TUT7: variants seen among roughly 807,000 people sequenced by gnomAD.
TUT7 encodes terminal uridylyl transferase 7.
Under a neutral mutation model 165.9 loss-of-function variants are expected in TUT7, and 33 were observed. The observed-to-expected ratio is 0.20, with a 90% CI of 0.15 to 0.27. The LOEUF (loss-of-function observed/expected upper bound fraction) is 0.27, where lower values mean the gene tolerates loss of function less well. TUT7 is among the 10% of genes least tolerant of loss of function. The pLI is 1.00. For synonymous variants in TUT7, 552 were observed against 608.1 expected (o/e 0.91, Z 1.36); for missense variants, 1,338 against 1,762.3 (o/e 0.76, Z 4.31).
At chr9:86,303,831 G>C (rs1827188076) in intron 24 of TUT7, among the ~76,000 whole-genome samples, 1 of 152,130 alleles carries the variant, frequency 6.6e-6, no homozygotes, top group South Asian at 2.1e-4. Flanking sequence ...AAATCCTCAG[G>C]TGATTTGTTC....
In TUT7 at chr9:86,328,481, G is replaced by A; in HGVS notation, c.1467C>T (p.Phe489=). Residue 489 remains phenylalanine, a synonymous_variant, in exon 11 of 27, where the codon TTC becomes TTT. Transcript: ENST00000375963. The stretch of plus-strand genomic sequence containing the variant: ...TGAAATTCCCTAGTTTGCTTAATGA[G>A]AATCCTTCAATCTAGGAAAAATTAG... ...PVYLGSWIEG[F]SLSKLGNFNL... The A allele has an allele frequency of 6.2e-7, 1 of 1,603,518 alleles. No individual in the cohort carries two copies. The highest frequency in any genetic ancestry group is 1.1e-5 in the South Asian group (1 of 88,806).
chr9:86,316,116 C>T (rs1828698951), intron 17 of TUT7, among the ~76,000 whole-genome samples: 1 of 152,134 alleles, frequency 6.6e-6, no homozygotes, highest in South Asian at 2.1e-4. Flanking sequence ...ATTTTCAGCT[C>T]TTAGCACAGA....
chr9:86,341,027 A>G lies in TUT7; in HGVS notation c.1113T>C (p.Leu371=). ...AIMSQPDVLL[L]VQECLKNSDS... ...CACTGTTCTTTAAACATTCTTGAAC[A>G]AGTAAGAGGACATCTGGCTGAGACA... Residue 371 remains leucine, a synonymous_variant, in exon 7 of 27, where the codon CTT becomes CTC. Transcript: ENST00000375963. 1 of 1,612,040 alleles carries G rather than the reference A, an allele frequency of 6.2e-7. No individual in the cohort carries two copies. The highest frequency in any genetic ancestry group is 8.5e-7 in the Non-Finnish European group (1 of 1,179,006).
chr9:86,321,702 C>T (rs1241250155), intron 14 of TUT7, among the ~76,000 whole-genome samples: 1 of 152,116 alleles, frequency 6.6e-6, no homozygotes, highest in East Asian at 1.9e-4. Flanking sequence ...GCATTCCAGC[C>T]TGGGGGACCG....
intron 10 of TUT7, among the ~76,000 whole-genome samples, chr9:86,332,275 C>T (rs1211266255): frequency 6.6e-6 from 1 of 152,026 alleles, no homozygotes; most frequent in East Asian, 1.9e-4. Flanking sequence ...ATAGCAAAGA[C>T]GTGGAATCAA....
chr9:86,324,916 T>C (rs1262958348), intron 12 of TUT7, among the ~76,000 whole-genome samples: 2 of 152,210 alleles, frequency 1.3e-5, no homozygotes, highest in Non-Finnish European at 2.9e-5. Context: ...GAGAATGACA[T>C]TTTTGACGAG....
intron 4 of TUT7, 94 bp downstream of exon 4, chr9:86,345,575 C>A: frequency 1.2e-6 from 1 of 860,852 alleles, no homozygotes; most frequent in South Asian, 1.7e-5. Context: ...GTAAAGTTAT[C>A]AATATCATAG....
In TUT7 at chr9:86,293,598, T is replaced by C. The variant is rs533141150; in HGVS notation, c.4421-4854A>G. Among the ~76,000 whole-genome samples, 13 of 152,334 alleles carry C rather than the reference T, an allele frequency of 8.5e-5. No homozygotes were observed. The East Asian group carries it at 2.5e-3, about 29-fold the overall frequency. On this transcript the variant is annotated intron_variant, in intron 26 of 26. Transcript: ENST00000375963. ...GTATGGGAAACAATGTCACTGACTCTCCGGGATTGTCAACAATCACAATTT... is the reference window on the plus strand; with the variant it reads ...GTATGGGAAACAATGTCACTGACTCCCCGGGATTGTCAACAATCACAATTT...
chr9:86,319,242 AT>A (rs1316845124), intron 15 of TUT7, among the ~76,000 whole-genome samples, 184 bp from the exon 16 acceptor site: 1 of 152,224 alleles, frequency 6.6e-6, no homozygotes, highest in Non-Finnish European at 1.5e-5. Flanking sequence ...CTTCCTTTAC[AT>A]ACAAGCTGTA....
At chr9:86,303,584 T>A (rs1283468248) in intron 24 of TUT7, among the ~76,000 whole-genome samples, 1 of 152,174 alleles carries the variant, frequency 6.6e-6, no homozygotes, top group Admixed American at 6.5e-5. Flanking sequence ...GAAACATGAT[T>A]TGCATCATAC....
At chr9:86,319,172 T>A (rs1829000431) in intron 15 of TUT7, 114 bp from the exon 16 acceptor site, 1 of 660,696 alleles carries the variant, frequency 1.5e-6, no homozygotes, top group African/African-American at 1.8e-5. Flanking sequence ...CCTATATTAA[T>A]CTCATACTTA....
chr9:86,325,874 G>A (rs1424615457), intron 11 of TUT7, among the ~76,000 whole-genome samples: 1 of 152,210 alleles, frequency 6.6e-6, no homozygotes, highest in Non-Finnish European at 1.5e-5. Context: ...TACTGCTGCT[G>A]GAGGCACCTT....
intron 10 of TUT7, among the ~76,000 whole-genome samples, chr9:86,331,209 G>T (rs1268312452): frequency 1.4e-5 from 2 of 145,202 alleles, no homozygotes; most frequent in Non-Finnish European, 3.0e-5. Context: ...CCAGGAGTTT[G>T]AGACCAGCCT....
Position 86,288,639 on chromosome 9 carries a change from GC to G in TUT7, c.*37del. The G allele has an allele frequency of 1.3e-6, 2 of 1,543,314 alleles. No homozygotes were observed. Among genetic ancestry groups the G allele is most frequent in the South Asian group, 1.1e-5 (1 of 89,248 alleles). On this transcript the variant is annotated 3_prime_UTR_variant, in exon 27 of 27. Coordinates refer to ENST00000375963, the MANE Select transcript of TUT7 (RefSeq NM_024617.4). Reference sequence around the variant, plus strand: ...CCTAATTTTCCGAGTGAATAGGAACGCCTGAGTGGCCATTTAGAGTGCTGCA... The same window carrying G: ...CCTAATTTTCCGAGTGAATAGGAACGCTGAGTGGCCATTTAGAGTGCTGCA...
intron 5 of TUT7, 163 bp downstream of exon 5, chr9:86,344,814 T>C: frequency 3.1e-6 from 2 of 640,926 alleles, no homozygotes; most frequent in South Asian, 4.4e-5. Context: ...AAAGTCCTTG[T>C]TACCTTAGGG....
intron 7 of TUT7, 120 bp downstream of exon 7, chr9:86,340,882 G>T: frequency 1.4e-6 from 1 of 724,122 alleles, no homozygotes; most frequent in Non-Finnish European, 2.4e-6. Context: ...CATTTGCTTT[G>T]GATATTACCC....
chr9:86,295,028 C>A (rs1826192540), intron 26 of TUT7, among the ~76,000 whole-genome samples: 1 of 151,862 alleles, frequency 6.6e-6, no homozygotes, highest in African/African-American at 2.4e-5. Context: ...TAGCTTGTTG[C>A]CCCTGTCATT....
At chr9:86,331,833 G>A (rs982872545) in intron 10 of TUT7, among the ~76,000 whole-genome samples, 1 of 152,098 alleles carries the variant, frequency 6.6e-6, no homozygotes, top group Admixed American at 6.5e-5. Flanking sequence ...CCTACAGAAT[G>A]GGAGGCAATT....
intron 26 of TUT7, among the ~76,000 whole-genome samples, chr9:86,291,453 C>T (rs548652672): frequency 1.4e-4 from 22 of 151,906 alleles, no homozygotes; most frequent in South Asian, 6.3e-4. Context: ...TGCTTGTAAT[C>T]CCAGCCATTC....
Sources: gnomAD v4.1 joint callset for allele counts (sites outside exome capture counted in the v4.1 genomes callset) on GRCh38, gnomAD v4.1.1 for gene constraint, MANE v1.5 for transcripts, NCBI Gene and HGNC (gene_info 2026-07-23, HGNC 2026-07-21) for gene names.